The following EBF1 variants were observed in gnomAD, a reference collection of about 807,000 sequenced individuals.
EBF1 encodes the protein EBF transcription factor 1.
A neutral mutation model predicts 68.4 loss-of-function variants in EBF1; 10 were observed. The observed-to-expected ratio is 0.15, with a 90% CI of 0.09 to 0.25. The LOEUF (loss-of-function observed/expected upper bound fraction) is 0.25. Ranked by LOEUF, EBF1 falls within the 10% of genes least tolerant of loss-of-function variation. The pLI is 1.00. For synonymous variants in EBF1, 298 were observed against 299.8 expected, an observed-to-expected ratio of 0.99 and a Z score of 0.06; for missense variants, 509 against 794.4, an observed-to-expected ratio of 0.64 and a Z score of 4.32.
intron 6 of EBF1, among the ~76,000 whole-genome samples, chr5:158,856,977 G>A (rs543283759): frequency 1.1e-4 from 17 of 148,704 alleles, no homozygotes; most frequent in South Asian, 4.3e-4. Context: ...TTTTAAAAGC[G>A]AGAAAAAACA....
At chr5:158,778,163 A>G (rs890593459) in intron 9 of EBF1, among the ~76,000 whole-genome samples, 2 of 152,178 alleles carry the variant, frequency 1.3e-5, no homozygotes, top group Admixed American at 1.3e-4. Context: ...CTGCGGAATG[A>G]TCACTGGTCC....
chr5:158,769,160 C>T (rs1405188770), intron 10 of EBF1, among the ~76,000 whole-genome samples: 1 of 152,162 alleles, frequency 6.6e-6, no homozygotes, highest in Non-Finnish European at 1.5e-5. Flanking sequence ...CTGCTTCTTC[C>T]TACTGTACGG....
intron 5 of EBF1, 56 bp from the exon 6 acceptor site, chr5:159,073,520 T>G (rs1778199744): frequency 1.3e-6 from 2 of 1,599,378 alleles, no homozygotes; most frequent in Admixed American, 1.7e-5. Flanking sequence ...AAATCATCAT[T>G]TAGGCAGACA....
At chr5:158,854,763 A>C (rs1175773436) in intron 6 of EBF1, among the ~76,000 whole-genome samples, 1 of 152,144 alleles carries the variant, frequency 6.6e-6, no homozygotes, top group African/African-American at 2.4e-5. Context: ...CCCAGCACAA[A>C]CAAGTTTTTT....
At chr5:158,776,870 G>T (rs1253382296) in intron 10 of EBF1, among the ~76,000 whole-genome samples, 1 of 152,144 alleles carries the variant, frequency 6.6e-6, no homozygotes, top group African/African-American at 2.4e-5. Flanking sequence ...CTGTCTGATG[G>T]GAGGGAATTC....
At chr5:159,045,137 T>G (rs1399965400) in intron 6 of EBF1, among the ~76,000 whole-genome samples, 1 of 152,184 alleles carries the variant, frequency 6.6e-6, no homozygotes, top group Non-Finnish European at 1.5e-5. Flanking sequence ...GGTTCATTAT[T>G]TAACTTCCGA....
At chr5:159,028,013 G>A (rs1319448815) in intron 6 of EBF1, among the ~76,000 whole-genome samples, 1 of 152,128 alleles carries the variant, frequency 6.6e-6, no homozygotes, top group African/African-American at 2.4e-5. Context: ...GTAAATAAGA[G>A]TTTCTATTAT....
intron 6 of EBF1, among the ~76,000 whole-genome samples, chr5:159,039,386 T>A (rs2127770014): frequency 6.6e-6 from 1 of 152,382 alleles, no homozygotes; most frequent in South Asian, 2.1e-4. Context: ...TTATTTATTT[T>A]TCACAGCATG....
intron 11 of EBF1, among the ~76,000 whole-genome samples, chr5:158,727,247 G>T (rs939455857): frequency 6.6e-6 from 1 of 152,166 alleles, no homozygotes; most frequent in Non-Finnish European, 1.5e-5. Context: ...CACGCCTGAC[G>T]CCAGCTAAGC....
chr5:158,735,225 C>T (rs1764929657), intron 10 of EBF1, among the ~76,000 whole-genome samples: 1 of 152,168 alleles, frequency 6.6e-6, no homozygotes, highest in African/African-American at 2.4e-5. Context: ...TGCAGCTCAG[C>T]ATCTCAGCAT....
Position 158,792,234 on chromosome 5 carries a change from A to G in EBF1, c.909+4111T>C, listed in dbSNP as rs570252823. On this transcript the variant is annotated intron_variant, in intron 9 of 15. Transcript: ENST00000313708. ...AGAGTAAAATAATTTACTTTCTAAAAAGAGGGAGAGGAGAAATCGCAAGAA... is the reference window on the plus strand; with the variant it reads ...AGAGTAAAATAATTTACTTTCTAAAGAGAGGGAGAGGAGAAATCGCAAGAA... Among the ~76,000 whole-genome samples, 4 of 152,346 alleles carry G rather than the reference A, an allele frequency of 2.6e-5. No individual in the cohort carries two copies. The East Asian group carries it at 5.8e-4, about 22-fold the overall frequency.
Position 158,698,200 on chromosome 5 carries a change from G to A in EBF1, c.*911C>T, listed in dbSNP as rs1756046710. ...GTGAGGTTTTGGCTTGTTAACTGGA[G>A]GGCAGAGTGTGGAATTCTGTGCCTG... is the stretch of plus-strand genomic sequence containing the variant. On this transcript the variant is annotated 3_prime_UTR_variant, in exon 16 of 16. Coordinates refer to ENST00000313708, the MANE Select transcript of EBF1 (RefSeq NM_024007.5). The A allele has an allele frequency of 4.5e-6, 1 of 221,478 alleles. No homozygotes were observed. Among genetic ancestry groups the A allele is most frequent in the Admixed American group, 5.8e-5 (1 of 17,348 alleles). 13.7% of individuals were successfully genotyped at this position (221,478 alleles called of 1,614,324 possible).
In EBF1 at chr5:158,908,816, C is replaced by T. The variant is rs539212948; in HGVS notation, c.555-68706G>A. Among the ~76,000 whole-genome samples, 382 of 152,306 alleles carry T rather than the reference C, an allele frequency of 2.5e-3. 3 individuals carry two copies. The highest frequency in any genetic ancestry group is 7.8e-3 in the African/African-American group (326 of 41,568). ...AGCCAACTCATACTGAGAACCAGGA[C>T]GGGTTGGCTCTTTGGAGCCATGCAG... On this transcript the variant is annotated intron_variant, in intron 6 of 15. Coordinates refer to ENST00000313708, the MANE Select transcript of EBF1 (RefSeq NM_024007.5).
At chr5:158,772,901 AC>A (rs1774175642) in intron 10 of EBF1, among the ~76,000 whole-genome samples, 1 of 152,136 alleles carries the variant, frequency 6.6e-6, no homozygotes, top group African/African-American at 2.4e-5. Flanking sequence ...CCTAAAAACA[AC>A]CCCAGCAAGG....
chr5:159,057,091 T>C (rs1345542852), intron 6 of EBF1, among the ~76,000 whole-genome samples: 1 of 147,144 alleles, frequency 6.8e-6, no homozygotes, highest in African/African-American at 2.5e-5. Flanking sequence ...ATTTCTTTCT[T>C]TTCTTTTCTT....
chr5:158,967,111 G>T (rs1754332331), intron 6 of EBF1, among the ~76,000 whole-genome samples: 1 of 151,880 alleles, frequency 6.6e-6, no homozygotes, highest in Non-Finnish European at 1.5e-5. Context: ...GTACTTATAA[G>T]GGGGGTGGGG....
chr5:158,754,062 C>T (rs916500562), intron 10 of EBF1, among the ~76,000 whole-genome samples: 2 of 151,924 alleles, frequency 1.3e-5, no homozygotes, highest in African/African-American at 4.8e-5. Context: ...TATGAAGGTC[C>T]AGTTATAAGC....
intron 4 of EBF1, 31 bp downstream of exon 4, chr5:159,095,589 G>C: frequency 6.2e-7 from 1 of 1,612,382 alleles, no homozygotes; most frequent in Non-Finnish European, 8.5e-7. Context: ...GTGACATAGA[G>C]CCCCCCGTGG....
chr5:158,845,956 C>G (rs948082306), intron 6 of EBF1, among the ~76,000 whole-genome samples: 2 of 152,170 alleles, frequency 1.3e-5, no homozygotes, highest in Non-Finnish European at 2.9e-5. Flanking sequence ...CTCCCCCAAC[C>G]CAAATTCTGA....
Sources: gnomAD v4.1 joint callset for allele counts (sites outside exome capture counted in the v4.1 genomes callset) on GRCh38, gnomAD v4.1.1 for gene constraint, MANE v1.5 for transcripts, NCBI Gene and HGNC (gene_info 2026-07-23, HGNC 2026-07-21) for gene names.